MRTFA: variants seen among roughly 807,000 people sequenced by gnomAD.
MRTFA encodes the protein myocardin related transcription factor A.
MRTFA carries 20 observed loss-of-function variants against 83.5 expected under a neutral mutation model. That is an observed-to-expected ratio of 0.24 (90% CI 0.17 to 0.35). The LOEUF is 0.35. MRTFA is among the 10% of genes least tolerant of loss of function. MRTFA has a pLI of 1.00. For synonymous variants in MRTFA, 659 were observed against 541.2 expected (o/e 1.22, Z -3.02); for missense variants, 1,200 against 1,224.7 (o/e 0.98, Z 0.30).
chr22:40,500,710 G>C (rs1353975976), intron 3 of MRTFA, among the ~76,000 whole-genome samples: 1 of 150,420 alleles, frequency 6.6e-6, no homozygotes, highest in Non-Finnish European at 1.5e-5. Flanking sequence ...CGGGTTGGGG[G>C]TAAGGTCACA....
intron 3 of MRTFA, among the ~76,000 whole-genome samples, chr22:40,551,621 G>A (rs542685204): frequency 2.6e-5 from 4 of 152,174 alleles, no homozygotes; most frequent in South Asian, 4.2e-4. Context: ...TGTGCACCTC[G>A]GCCTACCAAA....
Position 40,416,870 on chromosome 22 carries a change from GC to G in MRTFA, c.2578+115del, listed in dbSNP as rs1336890461. ...TCACAGCCACCACTGCATCCACAGT[GC>G]TTGCCCAAGACTGGTCACGCACGGA... On this transcript the variant is annotated intron_variant, in intron 14 of 14. Coordinates refer to ENST00000355630, the MANE Select transcript of MRTFA (RefSeq NM_020831.6). The surrounding 1 kb of genome is among the most constrained non-coding windows in gnomAD (Gnocchi z 4.2). The G allele has an allele frequency of 2.0e-6, 2 of 982,702 alleles. No homozygotes were observed. The highest frequency in any genetic ancestry group is 3.3e-5 in the African/African-American group (2 of 60,822). The allele number at this position is 982,702 out of a possible 1,614,324, so 60.9% of individuals were successfully genotyped here. A position where few individuals can be genotyped will look rare whatever the true frequency, so the allele number is the denominator to read the frequency against.
At chr22:40,545,756 G>A (rs150399431) in intron 3 of MRTFA, among the ~76,000 whole-genome samples, 2 of 138,904 alleles carry the variant, frequency 1.4e-5, no homozygotes, top group East Asian at 4.3e-4. Flanking sequence ...TTTTTGACAT[G>A]GAGTCTTGCT....
chr22:40,449,662 G>A (rs996665541), intron 4 of MRTFA, among the ~76,000 whole-genome samples: 1 of 152,188 alleles, frequency 6.6e-6, no homozygotes, highest in African/African-American at 2.4e-5. Context: ...TCTAATACCA[G>A]GTGCTGATTA....
In MRTFA at chr22:40,588,990, A is replaced by G. The variant is rs138722485; in HGVS notation, c.-22+5684T>C. ...AGAGTAAGACCTTGTCTCAGGGGAAAAAAAAAGATCATATAGTCTGAGGTA... is the reference window on the plus strand; with the variant it reads ...AGAGTAAGACCTTGTCTCAGGGGAAGAAAAAAGATCATATAGTCTGAGGTA... On this transcript the variant is annotated intron_variant, in intron 2 of 14. Transcript: ENST00000355630. Among the ~76,000 whole-genome samples, 1,424 of 152,316 alleles carry G rather than the reference A, an allele frequency of 9.3e-3. 14 individuals are homozygous for G. Among genetic ancestry groups the G allele is most frequent in the South Asian group, 0.022 (108 of 4,822 alleles).
intron 7 of MRTFA, among the ~76,000 whole-genome samples, chr22:40,428,656 GGT>G (rs1210800406): frequency 6.6e-6 from 1 of 152,140 alleles, no homozygotes; most frequent in African/African-American, 2.4e-5. Context: ...TGGGATTACA[GGT>G]GTGTGTTACC....
At chr22:40,611,268 G>T (rs1055167216) in intron 1 of MRTFA, among the ~76,000 whole-genome samples, 2 of 151,954 alleles carry the variant, frequency 1.3e-5, no homozygotes, top group Non-Finnish European at 2.9e-5. Flanking sequence ...TAGAGGTCTT[G>T]CTCTGTCACT....
At chr22:40,442,491 T>A (rs1329412763) in intron 4 of MRTFA, among the ~76,000 whole-genome samples, 2 of 152,034 alleles carry the variant, frequency 1.3e-5, no homozygotes, top group Non-Finnish European at 2.9e-5. Context: ...ACAAACGAGG[T>A]AGAAACTAGA....
intron 4 of MRTFA, among the ~76,000 whole-genome samples, chr22:40,449,302 G>C (rs926281098): frequency 2.0e-5 from 3 of 147,186 alleles, no homozygotes; most frequent in Non-Finnish European, 4.5e-5. Context: ...GAAAAGAAAA[G>C]AACGGAAATT....
chr22:40,527,500 G>A (rs1256754213), intron 3 of MRTFA, among the ~76,000 whole-genome samples: 1 of 151,882 alleles, frequency 6.6e-6, no homozygotes, highest in African/African-American at 2.4e-5. Context: ...GCTCACGTCT[G>A]TAATCCCAGC....
At chr22:40,613,129 CAT>C (rs2056406218) in intron 1 of MRTFA, among the ~76,000 whole-genome samples, 2 of 152,286 alleles carry the variant, frequency 1.3e-5, no homozygotes, top group Middle Eastern at 3.4e-3. Context: ...TTTCACTCAA[CAT>C]GTTTTTGAGA....
At chr22:40,536,448 C>T (rs1167328693) in intron 3 of MRTFA, among the ~76,000 whole-genome samples, 4 of 147,810 alleles carry the variant, frequency 2.7e-5, no homozygotes, top group African/African-American at 7.4e-5. Flanking sequence ...ACGGGCCCCG[C>T]GGGGCCCGAG....
rs878878681 is a variant in MRTFA at position 40,424,291 on chromosome 22, T to C, written c.692A>G (p.His231Arg). 3 of 1,612,838 alleles carry C rather than the reference T, an allele frequency of 1.9e-6. No homozygotes were observed. The highest frequency in any genetic ancestry group is 2.5e-6 in the Non-Finnish European group (3 of 1,179,502). ...TGACGGCACAGAACCCTGGGACTCA[T>C]GGCTGGCAGGCTGCTCGGGGGATAA... The change falls in exon 8 of 15, where the codon CAT (histidine) becomes CGT (arginine). Residue 231 changes from histidine to arginine, a missense_variant. This residue lies in a region of MRTFA where 1,107 missense variants were observed against 1,041.8 expected (regional missense o/e 1.06). Coordinates refer to ENST00000355630, the MANE Select transcript of MRTFA (RefSeq NM_020831.6).
rs943662464 is a variant in MRTFA, at chr22:40,580,589, A to G, written c.-22+14085T>C. Among the ~76,000 whole-genome samples the G allele has an allele frequency of 2.0e-5, 3 of 152,358 alleles. No homozygotes were observed. The East Asian group carries it at 5.8e-4, about 29-fold the overall frequency. ...ATATAACAATTTATGACATACTGCCATATTTGCGTCAGATTTTAAGAAAGA... is the reference window on the plus strand; with the variant it reads ...ATATAACAATTTATGACATACTGCCGTATTTGCGTCAGATTTTAAGAAAGA... On this transcript the variant is annotated intron_variant, in intron 2 of 14. Coordinates refer to ENST00000355630, the MANE Select transcript of MRTFA (RefSeq NM_020831.6).
At chr22:40,506,020 T>C (rs527347893) in intron 3 of MRTFA, among the ~76,000 whole-genome samples, 1 of 152,170 alleles carries the variant, frequency 6.6e-6, no homozygotes, top group South Asian at 2.1e-4. Context: ...GATCAACAGG[T>C]CAGAAGATCG....
intron 3 of MRTFA, among the ~76,000 whole-genome samples, chr22:40,479,456 CGA>C (rs1413120732): frequency 6.6e-6 from 1 of 152,046 alleles, no homozygotes; most frequent in Non-Finnish European, 1.5e-5. Context: ...CTCTTTCTCA[CGA>C]GAGAGAGCTG....
intron 3 of MRTFA, among the ~76,000 whole-genome samples, chr22:40,489,150 T>C (rs1360683660): frequency 6.6e-6 from 1 of 152,044 alleles, no homozygotes; most frequent in Non-Finnish European, 1.5e-5. Context: ...CAAGACACAA[T>C]CATTTTCACT....
At chr22:40,516,493 G>T (rs2054763100) in intron 3 of MRTFA, among the ~76,000 whole-genome samples, 1 of 149,438 alleles carries the variant, frequency 6.7e-6, no homozygotes, top group Admixed American at 6.7e-5. Context: ...AGAAGAGAAG[G>T]AAGAGAATAA....
At chr22:40,426,660 C>T (rs2052960281) in intron 7 of MRTFA, among the ~76,000 whole-genome samples, 1 of 152,162 alleles carries the variant, frequency 6.6e-6, no homozygotes, top group Non-Finnish European at 1.5e-5. Flanking sequence ...CAAACTCTGA[C>T]CCAGCCTCCA....
Sources: allele counts gnomAD v4.1 joint callset (sites outside exome capture counted in the v4.1 genomes callset), GRCh38; gene constraint gnomAD v4.1.1; regional missense constraint gnomAD v4.1.1; non-coding constraint Gnocchi (gnomAD v3.1); transcripts MANE v1.5; gene names NCBI Gene and HGNC (gene_info 2026-07-23, HGNC 2026-07-21).